Variants in RREB1 observed in about 807,000 individuals in gnomAD.
RREB1 encodes ras responsive element binding protein 1, also known as ras-responsive element-binding protein 1.
In RREB1, 27 loss-of-function variants were observed where a neutral mutation model predicts 117.8. The observed-to-expected ratio is 0.23, with a 90% CI of 0.17 to 0.32. The LOEUF (loss-of-function observed/expected upper bound fraction) is 0.32. Ranked by LOEUF, RREB1 falls within the 10% of genes least tolerant of loss-of-function variation. The probability of loss-of-function intolerance (pLI) is 1.00; values close to 1 mark genes in which losing one functional copy is unlikely to be tolerated. For missense variants in RREB1, 2,577 were observed against 2,378.2 expected, an observed-to-expected ratio of 1.08 and a Z score of -1.74; for synonymous variants, 1,298 against 1,026.7, an observed-to-expected ratio of 1.26 and a Z score of -5.05.
At position 7,157,788 on chromosome 6, in the gene RREB1, C is replaced by T. The variant is rs541613515; in HGVS notation, c.-284-18867C>T. Among the ~76,000 whole-genome samples, 7 of 152,078 alleles carry T rather than the reference C, an allele frequency of 4.6e-5. No individual in the cohort carries two copies. The South Asian group carries it at 8.3e-4, about 18-fold the overall frequency. Reference sequence around the variant, plus strand: ...TGGGAAAAAAAAAAAATCCAACTTACGAGTTCTCTTGTGCTCCCTCTCCAC... The same window carrying T: ...TGGGAAAAAAAAAAAATCCAACTTATGAGTTCTCTTGTGCTCCCTCTCCAC... On this transcript the variant is annotated intron_variant, in intron 1 of 12. Coordinates refer to ENST00000379938, the MANE Select transcript of RREB1 (RefSeq NM_001003699.4).
intron 1 of RREB1, among the ~76,000 whole-genome samples, chr6:7,121,256 G>C (rs547076068): frequency 4.3e-4 from 65 of 152,266 alleles, no homozygotes; most frequent in African/African-American, 1.6e-3. Flanking sequence ...TACCACACCT[G>C]GCCTAGACCT....
At chr6:7,234,243 T>G (rs1273594455) in intron 10 of RREB1, among the ~76,000 whole-genome samples, 1 of 152,226 alleles carries the variant, frequency 6.6e-6, no homozygotes, top group Non-Finnish European at 1.5e-5. Flanking sequence ...TACCCTTTTT[T>G]GGGTGCCACC....
At position 7,230,872 on chromosome 6, in the gene RREB1, C is replaced by T. The variant is rs903822952; in HGVS notation, c.2773C>T (p.Leu925=). The change falls in exon 10 of 13, where the codon CTG becomes TTG. Residue 925 remains leucine, a synonymous_variant. Coordinates refer to ENST00000379938, the MANE Select transcript of RREB1 (RefSeq NM_001003699.4). The stretch of plus-strand genomic sequence containing the variant: ...CATCTCCTTTCTGAGCCCTTCTTCC[C>T]TGGTCCCCTATGACTGCTCCATGGA... ...ENISFLSPSS[L]VPYDCSMEPI... 1.2e-6 allele frequency: 2 copies of T among 1,614,226 alleles called. No homozygotes were observed. Among genetic ancestry groups the T allele is most frequent in the Non-Finnish European group, 1.7e-6 (2 of 1,180,044 alleles).
At position 7,246,749 on chromosome 6, in the gene RREB1, C is replaced by T. The variant is rs544826052; in HGVS notation, c.4299C>T (p.Asp1433=). 5.1e-6 allele frequency: 8 copies of T among 1,570,820 alleles called. No individual in the cohort carries two copies. In the South Asian group the frequency reaches 5.8e-5, roughly 11 times the overall value. ...TGGACTTCAAGCTGGCGGAGGGCGA[C>T]GGCGAGGCAGGCGCCGGGGGCGCGG... ...KLMDFKLAEG[D]GEAGAGGAAS... is the part of the protein sequence containing the mutation. The change falls in exon 12 of 13, where the codon GAC becomes GAT. Residue 1433 remains aspartate, a synonymous_variant. Coordinates refer to ENST00000379938, the MANE Select transcript of RREB1 (RefSeq NM_001003699.4).
chr6:7,239,451 T>A (rs1263498543), intron 10 of RREB1, among the ~76,000 whole-genome samples: 5 of 152,158 alleles, frequency 3.3e-5, no homozygotes, highest in African/African-American at 4.8e-5. Context: ...GCTTTCTTTC[T>A]CCCTCACATG....
chr6:7,185,217 ATTC>A (rs2113540835), intron 4 of RREB1: 1 of 152,316 alleles, frequency 6.6e-6, no homozygotes, highest in Admixed American at 6.5e-5. Flanking sequence ...CATATCCTTA[ATTC>A]TTTTTGTGTG....
rs4053178 is a variant in RREB1, at chr6:7,249,062, TGAGAGAGAGAGAGAGAGAGAGAGAGAGA to T, written c.*109_*136del. On this transcript the variant is annotated 3_prime_UTR_variant, in exon 13 of 13. Transcript: ENST00000379938. ...TCAGTGCCCTTTGGCTGTTGAGGAGTGAGAGAGAGAGAGAGAGAGAGAGAGAGAGAGAGAGAGAGAGACAAGCAGGAGC... is the reference window on the plus strand; with the variant it reads ...TCAGTGCCCTTTGGCTGTTGAGGAGTGAGAGAGAGAGAGACAAGCAGGAGC... 29 of 568,234 alleles carry T rather than the reference TGAGAGAGAGAGAGAGAGAGAGAGAGAGA, an allele frequency of 5.1e-5. No individual in the cohort carries two copies. Among genetic ancestry groups the T allele is most frequent in the East Asian group, 1.2e-4 (4 of 32,714 alleles). The allele number at this position is 568,234 out of a possible 1,614,324, so 35.2% of individuals were successfully genotyped here.
intron 1 of RREB1, among the ~76,000 whole-genome samples, chr6:7,148,068 G>C (rs575051052): frequency 6.6e-6 from 1 of 152,268 alleles, no homozygotes; most frequent in Non-Finnish European, 1.5e-5. Context: ...ATATTCAGCC[G>C]ATGTGCTTGC....
chr6:7,218,103 C>T (rs1767016089), intron 8 of RREB1: 2 of 152,210 alleles, frequency 1.3e-5, no homozygotes, highest in South Asian at 4.1e-4. Flanking sequence ...ACATCACTTT[C>T]TTTAGATTGT....
chr6:7,160,992 G>C (rs1167432334), intron 1 of RREB1, among the ~76,000 whole-genome samples: 1 of 152,046 alleles, frequency 6.6e-6, no homozygotes, highest in Non-Finnish European at 1.5e-5. Context: ...CCCACATCTG[G>C]GTAACTTTTT....
chr6:7,155,506 T>G lies in RREB1; in HGVS notation c.-284-21149T>G, dbSNP rs564935128. 2.3e-3 allele frequency among the ~76,000 whole-genome samples: 356 copies of G among 152,348 alleles called. 2 individuals are homozygous for G. Among genetic ancestry groups the G allele is most frequent in the African/African-American group, 8.1e-3 (338 of 41,584 alleles). ...TCATATTTTTGGTAGAGACAGGGTT[T>G]CACCCTGTTGGCCTGGCTAGTCTCG... On this transcript the variant is annotated intron_variant, in intron 1 of 12. Transcript: ENST00000379938.
chr6:7,180,886 CAG>C (rs1764758127), intron 2 of RREB1, among the ~76,000 whole-genome samples: 1 of 152,132 alleles, frequency 6.6e-6, no homozygotes, highest in African/African-American at 2.4e-5. Flanking sequence ...AATTTTACTG[CAG>C]AGTCCTTTTG....
At chr6:7,173,962 G>A (rs1029694696) in intron 1 of RREB1, among the ~76,000 whole-genome samples, 1 of 152,026 alleles carries the variant, frequency 6.6e-6, no homozygotes, top group South Asian at 2.1e-4. Context: ...CCGGGGCTTG[G>A]GGGCTGGCCT....
At position 7,136,683 on chromosome 6, in the gene RREB1, G is replaced by A. The variant is rs556048970; in HGVS notation, c.-285+28623G>A. ...TTTGAACAGAAGAGGTGATTTTTAGGTATAATGGTGTGCAAAGTAACAAAT... is the reference window on the plus strand; with the variant it reads ...TTTGAACAGAAGAGGTGATTTTTAGATATAATGGTGTGCAAAGTAACAAAT... On this transcript the variant is annotated intron_variant, in intron 1 of 12. Coordinates refer to ENST00000379938, the MANE Select transcript of RREB1 (RefSeq NM_001003699.4). Among the ~76,000 whole-genome samples the A allele has an allele frequency of 3.7e-4, 57 of 152,240 alleles. 1 individual carries two copies. In the South Asian group the frequency reaches 0.01, roughly 27 times the overall value.
intron 1 of RREB1, among the ~76,000 whole-genome samples, chr6:7,164,615 T>G (rs1470544853): frequency 6.6e-6 from 1 of 152,180 alleles, no homozygotes; most frequent in Non-Finnish European, 1.5e-5. Flanking sequence ...CACAACCCTC[T>G]TGATTGATGC....
Position 7,229,238 on chromosome 6 carries a change from C to A in RREB1, c.1139C>A (p.Ala380Asp). Residue 380 changes from alanine (A) to aspartate (D), a missense_variant, in exon 10 of 13, where the codon GCC becomes GAC. Transcript: ENST00000379938. This position sits in a 1 kb window ranked among gnomAD's most constrained non-coding sequence, Gnocchi z 4.5. The part of the protein sequence containing the change: ...QHTKDVRPAP[A>D]EEPLPDDNQA... ...ACCAAAGACGTCAGGCCTGCCCCCG[C>A]CGAGGAGCCCCTGCCGGATGACAAC... is the stretch of plus-strand genomic sequence containing the variant. 6.2e-7 allele frequency: 1 copy of A among 1,614,114 alleles called. No individual in the cohort carries two copies. The highest frequency in any genetic ancestry group is 1.1e-5 in the South Asian group (1 of 91,082).
intron 6 of RREB1, among the ~76,000 whole-genome samples, chr6:7,203,195 G>T (rs746407640): frequency 2.6e-5 from 4 of 152,116 alleles, no homozygotes; most frequent in Non-Finnish European, 5.9e-5. Flanking sequence ...AGAGGAGGAA[G>T]GAGCTGTAGA....
Position 7,188,252 on chromosome 6 carries a change from T to TGTGC in RREB1, c.261+730_261+731insTGCG, listed in dbSNP as rs1411771705. ...GTGTGTGTGTGTGTGTGTGTGTGTG[T>TGTGC]GCGCGCGCGCACGTGTGTGACGGAG... On this transcript the variant is annotated intron_variant, in intron 5 of 12. Coordinates refer to ENST00000379938, the MANE Select transcript of RREB1 (RefSeq NM_001003699.4). Among the ~76,000 whole-genome samples, 365 of 147,658 alleles carry TGTGC rather than the reference T, an allele frequency of 2.5e-3. 1 individual carries two copies. The highest frequency in any genetic ancestry group is 7.5e-3 in the African/African-American group (300 of 40,058).
At position 7,121,371 on chromosome 6, in the gene RREB1, C is replaced by A. The variant is rs145730528; in HGVS notation, c.-285+13311C>A. ...TGGGTAGGGACCAAGCTAGGACTCTCACAGTGGCTCAAACCTTTTACTTAG... is the reference window on the plus strand; with the variant it reads ...TGGGTAGGGACCAAGCTAGGACTCTAACAGTGGCTCAAACCTTTTACTTAG... On this transcript the variant is annotated intron_variant, in intron 1 of 12. Transcript: ENST00000379938. Among the ~76,000 whole-genome samples, 3 of 152,286 alleles carry A rather than the reference C, an allele frequency of 2.0e-5. No homozygotes were observed. The East Asian group carries it at 5.8e-4, about 29-fold the overall frequency.
Sources: allele counts gnomAD v4.1 joint callset (sites outside exome capture counted in the v4.1 genomes callset), GRCh38; gene constraint gnomAD v4.1.1; non-coding constraint Gnocchi (gnomAD v3.1); transcripts MANE v1.5; gene names NCBI Gene and HGNC (gene_info 2026-07-23, HGNC 2026-07-21).